TPRG1: variants seen among roughly 807,000 people sequenced by gnomAD.
TPRG1 encodes the protein tumor protein p63 regulated 1.
A neutral mutation model predicts 29.3 loss-of-function variants in TPRG1; 29 were observed. That is an observed-to-expected ratio of 0.99 (90% CI 0.74 to 1.35). The LOEUF (loss-of-function observed/expected upper bound fraction) is 1.35. Among genes scored for constraint, TPRG1 ranks in the 40% most tolerant of loss-of-function variants. The pLI is 0.00. For synonymous variants in TPRG1, 130 were observed against 116.8 expected (o/e 1.11, Z -0.73); for missense variants, 327 against 335.0 (o/e 0.98, Z 0.19).
upstream of TPRG1, among the ~76,000 whole-genome samples, chr3:189,170,688 T>G (rs1456248515): frequency 6.6e-6 from 1 of 152,222 alleles, no homozygotes; most frequent in African/African-American, 2.4e-5. Flanking sequence ...GTTGAGTTAG[T>G]ATACATGACG....
intron 4 of TPRG1, among the ~76,000 whole-genome samples, chr3:189,038,964 TATC>T (rs1157563203): frequency 3.3e-5 from 5 of 152,202 alleles, no homozygotes; most frequent in Non-Finnish European, 5.9e-5. Context: ...AGTCAGATGG[TATC>T]ATTGTTGGCA....
At chr3:189,240,280 A>G (rs1400043997) in intron 4 of TPRG1, 2 of 152,138 alleles carry the variant, frequency 1.3e-5, no homozygotes, top group Non-Finnish European at 2.9e-5. Context: ...ATATTACAAA[A>G]ATGTTCATTT....
At chr3:189,052,639 A>C (rs901310568) in intron 4 of TPRG1, among the ~76,000 whole-genome samples, 1 of 152,234 alleles carries the variant, frequency 6.6e-6, no homozygotes, top group Non-Finnish European at 1.5e-5. Context: ...ATACTTTCAC[A>C]TGCATGTTTG....
chr3:189,207,305 G>C, intron 1 of TPRG1, 71 bp from the exon 2 acceptor site: 1 of 1,557,890 alleles, frequency 6.4e-7, no homozygotes, highest in African/African-American at 1.4e-5. Flanking sequence ...ATCATATTCT[G>C]TTTTGCCATA....
intron 5 of TPRG1, among the ~76,000 whole-genome samples, chr3:189,154,181 A>G (rs114493518): frequency 0.026 from 3,936 of 152,318 alleles, 78 homozygotes; most frequent in Non-Finnish European, 0.041. Context: ...GCAATTGGAA[A>G]AGGAGTTTGA....
At chr3:189,007,888 G>A (rs1560390265) in intron 3 of TPRG1, among the ~76,000 whole-genome samples, 2 of 126,770 alleles carry the variant, frequency 1.6e-5, no homozygotes, top group Admixed American at 1.7e-4. Context: ...CACACTCTGG[G>A]GACTGTGGTG....
At chr3:189,188,226 GACGTGAGT>G (rs769001995) in intron 1 of TPRG1, among the ~76,000 whole-genome samples, 97 of 152,354 alleles carry the variant, frequency 6.4e-4, no homozygotes, top group Admixed American at 3.3e-3. Flanking sequence ...AGAGTTAACA[GACGTGAGT>G]ACCTTTAGGG....
At chr3:189,218,230 C>T (rs1009172759) in intron 3 of TPRG1, among the ~76,000 whole-genome samples, 25 of 152,108 alleles carry the variant, frequency 1.6e-4, no homozygotes, top group African/African-American at 5.3e-4. Context: ...TCTCCTGCCT[C>T]AGCCTCCTGA....
intron 1 of TPRG1, among the ~76,000 whole-genome samples, chr3:189,189,641 C>T (rs1483361944): frequency 6.6e-6 from 1 of 152,080 alleles, no homozygotes; most frequent in Non-Finnish European, 1.5e-5. Flanking sequence ...TGTCATGGGA[C>T]ATAAATCTAC....
intron 1 of TPRG1, among the ~76,000 whole-genome samples, chr3:189,112,821 C>G (rs984613996): frequency 6.6e-6 from 1 of 152,142 alleles, no homozygotes; most frequent in Admixed American, 6.5e-5. Flanking sequence ...ATGCCTCCAG[C>G]TTTGTTCTTT....
intron 1 of TPRG1, among the ~76,000 whole-genome samples, chr3:189,175,127 T>G (rs1268367516): frequency 6.6e-6 from 1 of 152,026 alleles, no homozygotes; most frequent in African/African-American, 2.4e-5. Flanking sequence ...TGTACACAAG[T>G]AACTATAATG....
intron 4 of TPRG1, among the ~76,000 whole-genome samples, chr3:189,037,967 A>C (rs1409121452): frequency 6.6e-6 from 1 of 151,356 alleles, no homozygotes; most frequent in Non-Finnish European, 1.5e-5. Context: ...GGATGGGGCA[A>C]CTTAGTATTT....
chr3:189,092,749 G>C (rs1049823885), intron 4 of TPRG1, among the ~76,000 whole-genome samples: 1 of 152,124 alleles, frequency 6.6e-6, no homozygotes, highest in Non-Finnish European at 1.5e-5. Context: ...CTTATCATAA[G>C]CTAGGGGAGA....
intron 4 of TPRG1, among the ~76,000 whole-genome samples, chr3:189,034,807 A>C (rs1416163540): frequency 6.6e-6 from 1 of 152,206 alleles, no homozygotes; most frequent in Non-Finnish European, 1.5e-5. Context: ...CAAATGGAAA[A>C]ACATTCCATG....
At chr3:189,257,545 T>C (rs758724753) in intron 4 of TPRG1, among the ~76,000 whole-genome samples, 22 of 152,224 alleles carry the variant, frequency 1.4e-4, no homozygotes, top group Non-Finnish European at 2.4e-4. Flanking sequence ...AATTTGACTG[T>C]TGGCCTGTCT....
intron 4 of TPRG1, among the ~76,000 whole-genome samples, chr3:189,039,145 G>GCTAT (rs1714472375): frequency 1.3e-5 from 2 of 152,222 alleles, no homozygotes; most frequent in Admixed American, 1.3e-4. Context: ...CAAGGATATA[G>GCTAT]CTATCTAGAT....
intron 4 of TPRG1, among the ~76,000 whole-genome samples, chr3:189,055,260 T>G (rs1185901790): frequency 3.3e-5 from 5 of 152,240 alleles, no homozygotes; most frequent in African/African-American, 1.2e-4. Context: ...TCCAAAGACC[T>G]TCTACTGTTC....
chr3:189,263,712 C>T (rs1282975861), intron 4 of TPRG1, among the ~76,000 whole-genome samples: 5 of 152,190 alleles, frequency 3.3e-5, no homozygotes, highest in African/African-American at 1.2e-4. Context: ...ACGCATAAAT[C>T]ACCTGGGGTT....
Position 189,320,965 on chromosome 3 carries a change from T to A in TPRG1, c.*145T>A. 1.3e-6 allele frequency: 1 copy of A among 766,262 alleles called. No individual in the cohort carries two copies. Among genetic ancestry groups the A allele is most frequent in the Non-Finnish European group, 2.0e-6 (1 of 508,772 alleles). The allele number at this position is 766,262 out of a possible 1,614,324, so 47.5% of individuals were successfully genotyped here. A position where few individuals can be genotyped will look rare whatever the true frequency, so the allele number is the denominator to read the frequency against. On this transcript the variant is annotated 3_prime_UTR_variant, in exon 6 of 6. Transcript: ENST00000345063. ...TAGAAATTTAGTATTTCCGAAAATT[T>A]AAAAGCTTGATTGGACTGATAGATA...
Sources: allele counts gnomAD v4.1 joint callset (sites outside exome capture counted in the v4.1 genomes callset), GRCh38; gene constraint gnomAD v4.1.1; transcripts MANE v1.5; gene names NCBI Gene and HGNC (gene_info 2026-07-23, HGNC 2026-07-21).